Variants in FER1L6 observed in about 807,000 individuals in gnomAD.
FER1L6 encodes fer-1 like family member 6, also known as fer-1-like protein 6.
FER1L6 carries 177 observed loss-of-function variants against 219.2 expected under a neutral mutation model. That is an observed-to-expected ratio of 0.81 (90% confidence interval 0.71 to 0.91). FER1L6 has a LOEUF of 0.91. Ranked by LOEUF, FER1L6 falls within the 40% of genes least tolerant of loss-of-function variation. FER1L6 has a pLI of 0.00. For missense variants in FER1L6, 2,153 were observed against 2,259.9 expected, an observed-to-expected ratio of 0.95 and a Z score of 0.96; for synonymous variants, 768 against 824.3, an observed-to-expected ratio of 0.93 and a Z score of 1.17.
chr8:124,023,304 G>A, intron 17 of FER1L6, 140 bp from the exon 18 acceptor site: 2 of 794,830 alleles, frequency 2.5e-6, no homozygotes, highest in South Asian at 3.9e-5. Context: ...ATGTTTCAGT[G>A]CCTAGATGGT....
At chr8:123,932,145 A>G (rs1813794025) in intron 1 of FER1L6, among the ~76,000 whole-genome samples, 1 of 152,098 alleles carries the variant, frequency 6.6e-6, no homozygotes, top group Admixed American at 6.6e-5. Context: ...GTCTCGCTCT[A>G]TAGCCCAGGC....
At position 123,986,076 on chromosome 8, in the gene FER1L6, A is replaced by G. The variant is rs769923291; in HGVS notation, c.1419A>G (p.Pro473=). ...TTGTTTTCTTTCTGTAGATTGTACC[A>G]GAAAAAAATGAGGAATTTTTACTCT... ...ESFDVPPEIV[P]EKNEEFLLFG... The change falls in exon 12 of 41, where the codon CCA becomes CCG. Residue 473 remains proline, a synonymous_variant. Coordinates refer to ENST00000522917, the MANE Select transcript of FER1L6 (RefSeq NM_001039112.2). 81 of 1,605,366 alleles carry G rather than the reference A, an allele frequency of 5.0e-5. No individual in the cohort carries two copies. The Middle Eastern group carries it at 6.6e-4, about 13-fold the overall frequency.
chr8:124,097,227 A>G, intron 35 of FER1L6, 44 bp from the exon 36 acceptor site: 1 of 1,433,966 alleles, frequency 7.0e-7, no homozygotes. Flanking sequence ...CATGTCCCCT[A>G]GCCCCCTCCC....
At chr8:124,105,971 A>G (rs1822753587) in intron 39 of FER1L6, among the ~76,000 whole-genome samples, 1 of 152,170 alleles carries the variant, frequency 6.6e-6, no homozygotes, top group Admixed American at 6.5e-5. Flanking sequence ...TAGAAAATAG[A>G]TGAGTAGTTG....
Position 123,939,255 on chromosome 8 carries a change from T to G in FER1L6, c.-7-16737T>G, listed in dbSNP as rs757543738. ...GAACCATGACATTCTGTGGTACTTT[T>G]GTATTTTTGATAAATTTTATTACAT... On this transcript the variant is annotated intron_variant, in intron 1 of 40. Coordinates refer to ENST00000522917, the MANE Select transcript of FER1L6 (RefSeq NM_001039112.2). 360 of 930,490 alleles carry G rather than the reference T, an allele frequency of 3.9e-4. 4 individuals carry two copies. The highest frequency in any genetic ancestry group is 1.2e-4 in the Non-Finnish European group (92 of 779,840). 57.6% of individuals were successfully genotyped at this position (930,490 alleles called of 1,614,324 possible). A position where few individuals can be genotyped will look rare whatever the true frequency, so the allele number is the denominator to read the frequency against.
At chr8:123,902,845 T>G (rs1563678980) in intron 1 of FER1L6, among the ~76,000 whole-genome samples, 1 of 152,152 alleles carries the variant, frequency 6.6e-6, no homozygotes, top group African/African-American at 2.4e-5. Flanking sequence ...CTGTGTATTT[T>G]TTGTTGTTGT....
chr8:123,976,528 A>G (rs555195917), intron 9 of FER1L6, among the ~76,000 whole-genome samples: 2 of 151,660 alleles, frequency 1.3e-5, no homozygotes, highest in South Asian at 4.2e-4. Context: ...AAAAAAGAAA[A>G]GGCAACGGGA....
intron 8 of FER1L6, 28 bp from the exon 9 acceptor site, chr8:123,975,870 T>C: frequency 6.6e-7 from 1 of 1,514,392 alleles, no homozygotes; most frequent in Non-Finnish European, 8.9e-7. Context: ...TGAGAGAGCT[T>C]TTTCATTTGT....
In FER1L6 at chr8:124,022,982, G is replaced by A. The variant is rs1586603053; in HGVS notation, c.2134-462G>A. ...GGCTGGAGTGCAGTGGCATGATCTC[G>A]GCTCACTGCAACCTCCTCCGCCTCC... is the stretch of plus-strand genomic sequence containing the variant. On this transcript the variant is annotated intron_variant, in intron 17 of 40. Coordinates refer to ENST00000522917, the MANE Select transcript of FER1L6 (RefSeq NM_001039112.2). Among the ~76,000 whole-genome samples the A allele has an allele frequency of 2.6e-5, 4 of 152,068 alleles. No homozygotes were observed. In the South Asian group the frequency reaches 6.2e-4, roughly 24 times the overall value.
At chr8:123,996,281 G>A (rs527276256) in intron 12 of FER1L6, among the ~76,000 whole-genome samples, 115 of 152,084 alleles carry the variant, frequency 7.6e-4, no homozygotes, top group African/African-American at 2.3e-3. Context: ...ATTGTGTTGC[G>A]GTCTATCTTT....
At chr8:124,067,935 A>C (rs1037829502) in intron 28 of FER1L6, 129 bp downstream of exon 28, 9 of 725,114 alleles carry the variant, frequency 1.2e-5, no homozygotes, top group East Asian at 2.7e-5. Context: ...AAACAATCTC[A>C]GGAAGATGAC....
chr8:123,886,466 C>T (rs546784433), intron 1 of FER1L6, among the ~76,000 whole-genome samples: 1 of 152,280 alleles, frequency 6.6e-6, no homozygotes, highest in African/African-American at 2.4e-5. Context: ...CCCCTTTGAC[C>T]TACTGACATG....
At chr8:123,998,696 C>T (rs4475459) in intron 12 of FER1L6, among the ~76,000 whole-genome samples, 4,254 of 152,200 alleles carry the variant, frequency 0.028, 111 homozygotes, top group Middle Eastern at 0.085. Context: ...CATCTGGGAG[C>T]CAGGACTTGG....
chr8:123,994,631 C>T (rs978986534), intron 12 of FER1L6, among the ~76,000 whole-genome samples: 1 of 152,214 alleles, frequency 6.6e-6, no homozygotes, highest in Non-Finnish European at 1.5e-5. Flanking sequence ...GCAGGCCACA[C>T]ACCTCCCAGT....
intron 34 of FER1L6, among the ~76,000 whole-genome samples, chr8:124,092,284 T>C (rs1822069241): frequency 6.6e-6 from 1 of 152,234 alleles, no homozygotes; most frequent in African/African-American, 2.4e-5. Context: ...TTTTTTGTAG[T>C]GACAATGCTA....
chr8:124,036,551 A>G (rs529033641), intron 19 of FER1L6, among the ~76,000 whole-genome samples: 33 of 152,232 alleles, frequency 2.2e-4, no homozygotes, highest in African/African-American at 7.7e-4. Flanking sequence ...AATGATGGGG[A>G]AAAAAATGTC....
chr8:123,912,249 C>T (rs1445680104), intron 1 of FER1L6, among the ~76,000 whole-genome samples: 5 of 150,524 alleles, frequency 3.3e-5, no homozygotes, highest in African/African-American at 4.9e-5. Context: ...GAAACTGAGA[C>T]CCAGGGACAT....
Position 123,977,417 on chromosome 8 carries a change from G to C in FER1L6, c.871G>C (p.Gly291Arg). 2 of 1,611,732 alleles carry C rather than the reference G, an allele frequency of 1.2e-6. No homozygotes were observed. The highest frequency in any genetic ancestry group is 1.7e-6 in the Non-Finnish European group (2 of 1,178,680). Reference sequence around the variant, plus strand: ...CATGTCCTCCTGGCTGTGTTTTTAGGGGCGAACCACAGTGCAGAAGAACTG... The same window carrying C: ...CATGTCCTCCTGGCTGTGTTTTTAGCGGCGAACCACAGTGCAGAAGAACTG... ...FVEVSFAGQM[G>R]RTTVQKNCAD... The change falls in exon 10 of 41, where the codon GGG becomes CGG. Residue 291 changes from glycine (G) to arginine (R), a missense_variant and splice_region_variant. Transcript: ENST00000522917.
intron 18 of FER1L6, 84 bp downstream of exon 18, chr8:124,023,680 T>G: frequency 7.1e-7 from 1 of 1,415,234 alleles, no homozygotes; most frequent in Non-Finnish European, 9.6e-7. Context: ...TGTCCATGGC[T>G]CTGACCATTC....
Sources: allele counts gnomAD v4.1 joint callset (sites outside exome capture counted in the v4.1 genomes callset), GRCh38; gene constraint gnomAD v4.1.1; transcripts MANE v1.5; gene names NCBI Gene and HGNC (gene_info 2026-07-23, HGNC 2026-07-21).